Variants in IFT56 observed in about 807,000 individuals in gnomAD.
The protein encoded by IFT56 is intraflagellar transport 56.
the IFT56 span, chr7:139,172,956 C>T: frequency 5.5e-6 from 4 of 726,706 alleles, no homozygotes; most frequent in Middle Eastern, 2.4e-4. Context: ...ATGTGTCCTG[C>T]TGCTGGCGCT....
the IFT56 span, among the ~76,000 whole-genome samples, chr7:139,142,808 G>A: frequency 6.6e-6 from 1 of 152,078 alleles, no homozygotes; most frequent in Non-Finnish European, 1.5e-5. Flanking sequence ...CTCCAGCCTG[G>A]GCGACAGCAC....
the IFT56 span, among the ~76,000 whole-genome samples, chr7:139,152,114 C>T: frequency 6.6e-6 from 1 of 152,128 alleles, no homozygotes; most frequent in Non-Finnish European, 1.5e-5. Flanking sequence ...TTCTGGTATC[C>T]TCTTTTTAAA....
the IFT56 span, chr7:139,179,650 CT>C: frequency 1.2e-6 from 2 of 1,604,956 alleles, no homozygotes. Context: ...TGCTGTGAGT[CT>C]TCTTTTTTTA....
At chr7:139,186,141 C>T in the IFT56 span, among the ~76,000 whole-genome samples, 2 of 150,756 alleles carry the variant, frequency 1.3e-5, no homozygotes, top group East Asian at 1.9e-4. Context: ...TAAGAAAACT[C>T]ATCTGGCCAG....
At chr7:139,178,591 G>A in the IFT56 span, 2 of 1,613,992 alleles carry the variant, frequency 1.2e-6, no homozygotes, top group Non-Finnish European at 1.7e-6. Context: ...ACCAGTGAGG[G>A]CGAAGAGGTG....
the IFT56 span, chr7:139,172,543 G>A: frequency 3.8e-6 from 2 of 520,772 alleles, no homozygotes; most frequent in Admixed American, 2.2e-5. Context: ...TCTTGCTGCT[G>A]TAATGCACCT....
the IFT56 span, among the ~76,000 whole-genome samples, chr7:139,142,472 A>T: frequency 2.0e-5 from 3 of 152,182 alleles, no homozygotes; most frequent in African/African-American, 7.2e-5. Context: ...TCCTCTATCA[A>T]TGTTCTTTAC....
the IFT56 span, among the ~76,000 whole-genome samples, chr7:139,139,166 G>C: frequency 0.3 from 46,068 of 152,062 alleles, 13,542 homozygotes; most frequent in African/African-American, 0.75. Flanking sequence ...TTTGAAGAAC[G>C]TTCATAACTA....
At chr7:139,175,914 C>A in the IFT56 span, among the ~76,000 whole-genome samples, 1 of 152,126 alleles carries the variant, frequency 6.6e-6, no homozygotes, top group Non-Finnish European at 1.5e-5. Flanking sequence ...ACTGCAACCT[C>A]CGCCTCCCGG....
the IFT56 span, among the ~76,000 whole-genome samples, chr7:139,147,592 A>C: frequency 4.6e-5 from 7 of 152,216 alleles, no homozygotes; most frequent in Non-Finnish European, 1.0e-4. Context: ...TGTGCTTTAC[A>C]TATAAAATGA....
At chr7:139,169,296 A>G in the IFT56 span, 6 of 1,613,900 alleles carry the variant, frequency 3.7e-6, no homozygotes, top group South Asian at 3.3e-5. Flanking sequence ...CAGAGGGATC[A>G]TATGAAAATT....
At chr7:139,149,799 T>C in the IFT56 span, among the ~76,000 whole-genome samples, 3 of 152,186 alleles carry the variant, frequency 2.0e-5, no homozygotes. Context: ...CAGGAGGCCA[T>C]AGATTATTAC....
the IFT56 span, among the ~76,000 whole-genome samples, chr7:139,161,956 T>C: frequency 1.8e-4 from 28 of 152,340 alleles, no homozygotes; most frequent in African/African-American, 6.7e-4. Flanking sequence ...GAATTTAAGC[T>C]TGGAGAAAGA....
chr7:139,145,583 C>G, the IFT56 span, among the ~76,000 whole-genome samples: 2,542 of 152,034 alleles, frequency 0.017, 38 homozygotes, highest in African/African-American at 0.032. Context: ...CACTGCCATG[C>G]CCAGCCAATT....
chr7:139,188,438 G>A, the IFT56 span, among the ~76,000 whole-genome samples: 10 of 152,000 alleles, frequency 6.6e-5, no homozygotes, highest in African/African-American at 2.2e-4. Context: ...AACACAACTC[G>A]ATTCCATTTT....
chr7:139,135,509 A>G, the IFT56 span, among the ~76,000 whole-genome samples: 37 of 152,308 alleles, frequency 2.4e-4, no homozygotes, highest in Middle Eastern at 6.8e-3. Flanking sequence ...GGTTGAAAAT[A>G]TAGCCCCAGA....
At chr7:139,160,929 TTTC>T in the IFT56 span, 1 of 1,606,638 alleles carries the variant, frequency 6.2e-7, no homozygotes, top group African/African-American at 1.3e-5. Flanking sequence ...TTCATAAGCC[TTTC>T]TTCTTTAAAT....
the IFT56 span, among the ~76,000 whole-genome samples, chr7:139,157,246 C>A: frequency 9.6e-5 from 14 of 145,544 alleles, no homozygotes; most frequent in South Asian, 2.2e-4. Flanking sequence ...TCTTGGGTTC[C>A]AGCGATTCTC....
chr7:139,147,380 A>G, the IFT56 span: 8 of 1,092,406 alleles, frequency 7.3e-6, no homozygotes, highest in Non-Finnish European at 7.8e-6. Context: ...CTCTGGATCT[A>G]GTACCACTAT....
Sources: gnomAD v4.1 joint callset for allele counts (sites outside exome capture counted in the v4.1 genomes callset) on GRCh38, gnomAD v4.1.1 for gene constraint, MANE v1.5 for transcripts, NCBI Gene and HGNC (gene_info 2026-07-23, HGNC 2026-07-21) for gene names.